Variants in BAAT observed in about 807,000 individuals in gnomAD.
BAAT encodes the protein bile acid-CoA:amino acid N-acyltransferase.
A neutral mutation model predicts 18.9 loss-of-function variants in BAAT; 13 were observed. That is an observed-to-expected ratio of 0.69 (90% confidence interval 0.45 to 1.10). The LOEUF (loss-of-function observed/expected upper bound fraction) is 1.10. Ranked by LOEUF, BAAT falls within the 50% of genes least tolerant of loss-of-function variation. BAAT has a pLI of 0.00. For synonymous variants in BAAT, 170 were observed against 190.7 expected (o/e 0.89, Z 0.89); for missense variants, 489 against 504.0 (o/e 0.97, Z 0.28).
rs371999195 is a variant in BAAT at position 101,362,111 on chromosome 9, T to C, written c.*317A>G. 1.9e-4 allele frequency: 84 copies of C among 432,124 alleles called. No individual in the cohort carries two copies. The East Asian group carries it at 2.0e-3, about 10-fold the overall frequency. The allele number at this position is 432,124 out of a possible 1,614,324, so 26.8% of individuals were successfully genotyped here. A position where few individuals can be genotyped will look rare whatever the true frequency, so the allele number is the denominator to read the frequency against. On this transcript the variant is annotated 3_prime_UTR_variant, in exon 4 of 4. Transcript: ENST00000259407. Reference sequence around the variant, plus strand: ...TTTGGTTTTATATCTGTTACTTTGGTGCTATTCTTGTTTGCCTTTTCTTAT... The same window carrying C: ...TTTGGTTTTATATCTGTTACTTTGGCGCTATTCTTGTTTGCCTTTTCTTAT...
chr9:101,373,729 A>G (rs763226930), intron 1 of BAAT, among the ~76,000 whole-genome samples: 27 of 152,228 alleles, frequency 1.8e-4, no homozygotes, highest in Non-Finnish European at 3.4e-4. Flanking sequence ...ATTTGTCATT[A>G]TACTATAATT....
intron 3 of BAAT, among the ~76,000 whole-genome samples, chr9:101,367,659 T>C (rs572138778): frequency 6.6e-6 from 1 of 152,258 alleles, no homozygotes; most frequent in East Asian, 1.9e-4. Flanking sequence ...GCTATTTTTT[T>C]AGTATTTATA....
chr9:101,369,289 A>G (rs2119023217), intron 2 of BAAT, among the ~76,000 whole-genome samples: 1 of 151,622 alleles, frequency 6.6e-6, no homozygotes, highest in East Asian at 1.9e-4. Context: ...CAATGAATAA[A>G]TAATAAATAA....
intron 3 of BAAT, among the ~76,000 whole-genome samples, chr9:101,365,391 A>C (rs1157139031): frequency 3.9e-5 from 6 of 152,170 alleles, no homozygotes; most frequent in Non-Finnish European, 8.8e-5. Flanking sequence ...GAGGGAAAAA[A>C]AAAACTAAAC....
intron 1 of BAAT, among the ~76,000 whole-genome samples, chr9:101,377,463 A>T (rs1422373969): frequency 1.3e-5 from 2 of 152,202 alleles, no homozygotes; most frequent in Non-Finnish European, 2.9e-5. Flanking sequence ...AGAGAGGGTA[A>T]AATGGTCTGG....
Position 101,371,429 on chromosome 9 carries a change from A to G in BAAT, c.-25T>C. 1 of 1,591,108 alleles carries G rather than the reference A, an allele frequency of 6.3e-7. No individual in the cohort carries two copies. Among genetic ancestry groups the G allele is most frequent in the Non-Finnish European group, 8.6e-7 (1 of 1,169,582 alleles). ...TTTTTTTAGTGTGGCACCTGGGATG[A>G]TTCTTCAGGAATATCTTCAGCAAAA... is the stretch of plus-strand genomic sequence containing the variant. On this transcript the variant is annotated 5_prime_UTR_variant, in exon 2 of 4. Coordinates refer to ENST00000259407, the MANE Select transcript of BAAT (RefSeq NM_001701.4).
At chr9:101,374,398 T>C (rs574084994) in intron 1 of BAAT, among the ~76,000 whole-genome samples, 1 of 149,856 alleles carries the variant, frequency 6.7e-6, no homozygotes, top group African/African-American at 2.4e-5. Context: ...ATTTCTAAGT[T>C]CAGCACTAAA....
intron 1 of BAAT, among the ~76,000 whole-genome samples, chr9:101,372,252 G>A (rs1829963254): frequency 6.7e-6 from 1 of 150,260 alleles, no homozygotes; most frequent in South Asian, 2.1e-4. Flanking sequence ...ATATACCTAT[G>A]TAACAATCCT....
At chr9:101,368,423 A>G in intron 2 of BAAT, 101 bp from the exon 3 acceptor site, 1 of 1,040,074 alleles carries the variant, frequency 9.6e-7, no homozygotes. Flanking sequence ...AGATAATAAA[A>G]GATAAAATAA....
Position 101,370,923 on chromosome 9 carries a change from G to A in BAAT, c.466+16C>T, listed in dbSNP as rs1345333560. On this transcript the variant is annotated intron_variant, in intron 2 of 3. Coordinates refer to ENST00000259407, the MANE Select transcript of BAAT (RefSeq NM_001701.4). ...GGAAAAACAAGAATAACAATAAGCA[G>A]AGTAATTCTACTCACCTGGAGGGAG... is the stretch of plus-strand genomic sequence containing the variant. The A allele has an allele frequency of 5.6e-6, 9 of 1,610,420 alleles. No homozygotes were observed. The highest frequency in any genetic ancestry group is 3.3e-5 in the Admixed American group (2 of 59,958).
At chr9:101,375,053 CAT>C (rs1830015296) in intron 1 of BAAT, among the ~76,000 whole-genome samples, 1 of 152,148 alleles carries the variant, frequency 6.6e-6, no homozygotes, top group Non-Finnish European at 1.5e-5. Flanking sequence ...ATAATCCCCA[CAT>C]GTTAAGGGCA....
chr9:101,364,690 T>C (rs1221895882), intron 3 of BAAT, among the ~76,000 whole-genome samples: 2 of 152,210 alleles, frequency 1.3e-5, no homozygotes, highest in Non-Finnish European at 2.9e-5. Flanking sequence ...ATAATAAGTC[T>C]GAAACAGAAA....
rs773522080 is a variant in BAAT, at chr9:101,363,040, A to C, written c.670-25T>G. On this transcript the variant is annotated intron_variant, in intron 3 of 3. Coordinates refer to ENST00000259407, the MANE Select transcript of BAAT (RefSeq NM_001701.4). The stretch of plus-strand genomic sequence containing the variant: ...CCTGAAAAAAATAATAGAAATGAGA[A>C]ATTATTCTAGCCTTCATTTAGGAAA... 6.9e-6 allele frequency: 11 copies of C among 1,592,276 alleles called. No individual in the cohort carries two copies. The African/African-American group carries it at 1.5e-4, about 21-fold the overall frequency.
At chr9:101,383,445 T>C (rs766459709) in intron 1 of BAAT, 7 of 152,202 alleles carry the variant, frequency 4.6e-5, no homozygotes, top group Non-Finnish European at 7.3e-5. Flanking sequence ...CCCAAATAAA[T>C]AGTCCTGATT....
chr9:101,371,440 A>T lies in BAAT; in HGVS notation c.-36T>A, dbSNP rs764748047. 105 of 1,578,688 alleles carry T rather than the reference A, an allele frequency of 6.7e-5. No homozygotes were observed. The highest frequency in any genetic ancestry group is 8.9e-5 in the Non-Finnish European group (103 of 1,160,196). ...TGGCACCTGGGATGATTCTTCAGGA[A>T]TATCTTCAGCAAAACCTCAAAACCT... On this transcript the variant is annotated 5_prime_UTR_variant, in exon 2 of 4. Transcript: ENST00000259407.
At chr9:101,373,782 C>G (rs1299792237) in intron 1 of BAAT, among the ~76,000 whole-genome samples, 1 of 152,134 alleles carries the variant, frequency 6.6e-6, no homozygotes, top group Non-Finnish European at 1.5e-5. Flanking sequence ...TCTTGGCAAA[C>G]AGACTAACTC....
rs567668961 is a variant in BAAT at position 101,384,720 on chromosome 9, G to A, written c.-60+135C>T. On this transcript the variant is annotated intron_variant, in intron 1 of 3. Transcript: ENST00000259407. The stretch of plus-strand genomic sequence containing the variant: ...AAATAAATCTTTCAAATTTGTATTT[G>A]CTGAACTAAAACTATAGGCCACATT... Among the ~76,000 whole-genome samples the A allele has an allele frequency of 8.7e-4, 132 of 152,176 alleles. 1 individual carries two copies. The highest frequency in any genetic ancestry group is 1.4e-3 in the Non-Finnish European group (98 of 67,998).
At chr9:101,379,725 T>C (rs1830101778) in intron 1 of BAAT, among the ~76,000 whole-genome samples, 1 of 152,364 alleles carries the variant, frequency 6.6e-6, no homozygotes, top group Admixed American at 6.5e-5. Flanking sequence ...ATTTTGTGGC[T>C]ACAAGAAGTC....
At chr9:101,367,116 G>GAAAAAAAAAA (rs66591298) in intron 3 of BAAT, among the ~76,000 whole-genome samples, 7 of 99,664 alleles carry the variant, frequency 7.0e-5, no homozygotes, top group African/African-American at 8.2e-5. Flanking sequence ...GTCAAAAAAA[G>GAAAAAAAAAA]AAAAAAAAAA....
Sources: gnomAD v4.1 joint callset for allele counts (sites outside exome capture counted in the v4.1 genomes callset) on GRCh38, gnomAD v4.1.1 for gene constraint, MANE v1.5 for transcripts, NCBI Gene and HGNC (gene_info 2026-07-23, HGNC 2026-07-21) for gene names.